Variants in CRYL1 observed in about 807,000 individuals in gnomAD.
CRYL1 encodes lambda-crystallin homolog.
In CRYL1, 29 loss-of-function variants were observed where a neutral mutation model predicts 36.6. The observed-to-expected ratio is 0.79, with a 90% CI of 0.59 to 1.08. The LOEUF is 1.08. Ranked by LOEUF, CRYL1 falls within the 50% of genes least tolerant of loss-of-function variation. The pLI, the probability that CRYL1 is intolerant of heterozygous loss-of-function variation, is 0.00. For synonymous variants in CRYL1, 152 were observed against 151.5 expected (o/e 1.00, Z -0.02); for missense variants, 411 against 407.9 (o/e 1.01, Z -0.06).
intron 2 of CRYL1, among the ~76,000 whole-genome samples, chr13:20,511,042 G>T (rs2033907121): frequency 6.6e-6 from 1 of 151,934 alleles, no homozygotes; most frequent in African/African-American, 2.4e-5. Context: ...TGGTTTTTCG[G>T]TGTTGTTTTA....
chr13:20,440,063 C>T (rs1347535999), intron 3 of CRYL1, among the ~76,000 whole-genome samples: 1 of 152,222 alleles, frequency 6.6e-6, no homozygotes, highest in East Asian at 1.9e-4. Flanking sequence ...ATCTCCTTGT[C>T]TCTGAAGACA....
At chr13:20,509,154 A>G (rs2137504977) in intron 2 of CRYL1, among the ~76,000 whole-genome samples, 1 of 150,922 alleles carries the variant, frequency 6.6e-6, no homozygotes, top group Admixed American at 6.6e-5. Context: ...AGATCGCGCC[A>G]TTGCACTCCA....
intron 3 of CRYL1, among the ~76,000 whole-genome samples, chr13:20,470,855 A>G (rs2033037801): frequency 6.8e-6 from 1 of 147,294 alleles, no homozygotes; most frequent in Non-Finnish European, 1.5e-5. Context: ...GGTTGCAGTG[A>G]GCTGAGATCG....
At chr13:20,465,311 C>T (rs1478700956) in intron 3 of CRYL1, among the ~76,000 whole-genome samples, 1 of 152,214 alleles carries the variant, frequency 6.6e-6, no homozygotes, top group East Asian at 1.9e-4. Flanking sequence ...CTACTCCCCA[C>T]TCCCTGCTGA....
At chr13:20,477,959 T>C (rs2033199399) in intron 3 of CRYL1, among the ~76,000 whole-genome samples, 1 of 143,350 alleles carries the variant, frequency 7.0e-6, no homozygotes, top group Non-Finnish European at 1.5e-5. Flanking sequence ...TTATAATATA[T>C]ATATTACGTA....
At chr13:20,450,955 G>A (rs61955477) in intron 3 of CRYL1, among the ~76,000 whole-genome samples, 37,466 of 150,896 alleles carry the variant, frequency 0.25, 5,165 homozygotes, top group Non-Finnish European at 0.32. Context: ...GCAAACTATC[G>A]CAAGGACAGA....
At chr13:20,488,352 A>C (rs1337790349) in intron 3 of CRYL1, among the ~76,000 whole-genome samples, 1 of 152,190 alleles carries the variant, frequency 6.6e-6, no homozygotes, top group African/African-American at 2.4e-5. Flanking sequence ...CCATATCAAG[A>C]GATAGAGGAT....
chr13:20,453,036 ACTTT>A (rs1261053520), intron 3 of CRYL1, among the ~76,000 whole-genome samples: 1 of 152,218 alleles, frequency 6.6e-6, no homozygotes, highest in African/African-American at 2.4e-5. Context: ...GACCTCAATA[ACTTT>A]CTTTCTCAGA....
At position 20,432,960 on chromosome 13, in the gene CRYL1, G is replaced by A. The variant is rs533067738; in HGVS notation, c.439-664C>T. ...TTAAGCCCAGGAAGTGGAGGCTGCA[G>A]TGAGCCATGATTGTGCCATTGTACT... On this transcript the variant is annotated intron_variant, in intron 4 of 7. Transcript: ENST00000298248. 3.9e-5 allele frequency among the ~76,000 whole-genome samples: 6 copies of A among 152,352 alleles called. No homozygotes were observed. The East Asian group carries it at 9.6e-4, about 24-fold the overall frequency.
At position 20,512,466 on chromosome 13, in the gene CRYL1, T is replaced by C. The variant is rs1427392243; in HGVS notation, c.126A>G (p.Ile42Met). The C allele has an allele frequency of 6.2e-7, 1 of 1,614,054 alleles. No homozygotes were observed. Among genetic ancestry groups the C allele is most frequent in the Non-Finnish European group, 8.5e-7 (1 of 1,179,904 alleles). The change falls in exon 2 of 8, where the codon ATA becomes ATG. Residue 42 changes from isoleucine (I) to methionine (M), a missense_variant. Ile to Met is a conservative substitution (Grantham distance 10). Transcript: ENST00000298248. ...ACCTGATGTTTTCCAGGGCGTTCCT[T>C]ATCTGCTGTTGCTCAATGTCATAGA... The part of the protein sequence containing the change: ...VKLYDIEQQQ[I>M]RNALENIRKE...
At chr13:20,469,865 G>A (rs1565974991) in intron 3 of CRYL1, among the ~76,000 whole-genome samples, 1 of 152,140 alleles carries the variant, frequency 6.6e-6, no homozygotes, top group African/African-American at 2.4e-5. Flanking sequence ...ACTACGACCA[G>A]GTAAGCCCCT....
chr13:20,475,213 G>C (rs1446834539), intron 3 of CRYL1, among the ~76,000 whole-genome samples: 3 of 152,034 alleles, frequency 2.0e-5, no homozygotes, highest in South Asian at 4.1e-4. Flanking sequence ...GGGCCTCCCC[G>C]CATTCCCAGA....
chr13:20,439,539 A>AAAAAAAAAAAAG, intron 4 of CRYL1, 54 bp downstream of exon 4: 1 of 1,380,452 alleles, frequency 7.2e-7, no homozygotes, highest in Non-Finnish European at 9.7e-7. Context: ...AAGAAAAAAA[A>AAAAAAAAAAAAG]AAAACACAGA....
intron 5 of CRYL1, chr13:20,431,651 C>A: frequency 2.8e-6 from 3 of 1,072,538 alleles, no homozygotes; most frequent in Non-Finnish European, 3.4e-6. Flanking sequence ...TTTACTCTAA[C>A]AAGTCTATTC....
At chr13:20,456,753 C>A (rs3936015) in intron 3 of CRYL1, among the ~76,000 whole-genome samples, 66,307 of 151,732 alleles carry the variant, frequency 0.44, 15,133 homozygotes, top group Admixed American at 0.57. Context: ...ACACGACCTG[C>A]CCACCCCCCA....
intron 1 of CRYL1, among the ~76,000 whole-genome samples, chr13:20,513,198 C>A (rs1484634358): frequency 6.6e-6 from 1 of 152,166 alleles, no homozygotes; most frequent in East Asian, 1.9e-4. Context: ...TGGAGCCCTG[C>A]AGCATCTCAG....
At chr13:20,520,756 A>T (rs994137922) in intron 1 of CRYL1, among the ~76,000 whole-genome samples, 4 of 152,196 alleles carry the variant, frequency 2.6e-5, no homozygotes, top group African/African-American at 9.6e-5. Context: ...GGAGCACCCT[A>T]TAACATCTGC....
chr13:20,495,891 G>A (rs1033465496), intron 2 of CRYL1, among the ~76,000 whole-genome samples: 5 of 152,232 alleles, frequency 3.3e-5, no homozygotes, highest in South Asian at 2.1e-4. Context: ...TCCCCCTCCC[G>A]GCTTCAGGCG....
intron 5 of CRYL1, chr13:20,426,817 G>A: frequency 1.0e-6 from 1 of 985,440 alleles, no homozygotes; most frequent in Non-Finnish European, 1.2e-6. Context: ...GAATCTCAGG[G>A]CCCCATCCAG....
Sources: allele counts gnomAD v4.1 joint callset (sites outside exome capture counted in the v4.1 genomes callset), GRCh38; gene constraint gnomAD v4.1.1; transcripts MANE v1.5; gene names NCBI Gene and HGNC (gene_info 2026-07-23, HGNC 2026-07-21).